PTPRG: variants seen among roughly 807,000 people sequenced by gnomAD.
PTPRG encodes protein tyrosine phosphatase receptor type G, also known as receptor-type tyrosine-protein phosphatase gamma.
Under a neutral mutation model 165.3 loss-of-function variants are expected in PTPRG, and 102 were observed. The observed-to-expected ratio is 0.62, with a 90% CI of 0.53 to 0.73. PTPRG has a LOEUF of 0.73. Among genes scored for constraint, PTPRG ranks in the 30% least tolerant of loss-of-function variants. PTPRG has a pLI of 0.00. For synonymous variants in PTPRG, 675 were observed against 669.5 expected (o/e 1.01, Z -0.13); for missense variants, 1,866 against 1,861.4 (o/e 1.00, Z -0.05).
chr3:61,683,769 A>T (rs1703528584), intron 1 of PTPRG, among the ~76,000 whole-genome samples: 1 of 152,220 alleles, frequency 6.6e-6, no homozygotes, highest in East Asian at 1.9e-4. Context: ...GAAAGACTTG[A>T]GGCTACAGTT....
intron 2 of PTPRG, among the ~76,000 whole-genome samples, chr3:61,944,926 G>C (rs1015089638): frequency 2.6e-5 from 4 of 152,146 alleles, no homozygotes; most frequent in African/African-American, 7.2e-5. Flanking sequence ...GAGGTGTTTC[G>C]TAAGGTGCTC....
At chr3:62,144,517 A>G (rs894036750) in intron 6 of PTPRG, among the ~76,000 whole-genome samples, 5 of 152,214 alleles carry the variant, frequency 3.3e-5, no homozygotes, top group South Asian at 2.1e-4. Flanking sequence ...ACATGCAACA[A>G]AGTTTCCCGT....
chr3:61,697,680 G>C (rs1205591261), intron 1 of PTPRG, among the ~76,000 whole-genome samples: 1 of 152,146 alleles, frequency 6.6e-6, no homozygotes, highest in Non-Finnish European at 1.5e-5. Flanking sequence ...TCACTTATAA[G>C]CTATTGTCTG....
chr3:61,806,469 C>T (rs1037514987), intron 2 of PTPRG, among the ~76,000 whole-genome samples: 3 of 152,164 alleles, frequency 2.0e-5, no homozygotes, highest in African/African-American at 4.8e-5. Context: ...GGGTCTGTGG[C>T]TCATTTTAGA....
chr3:61,981,714 C>T (rs2040647948), intron 2 of PTPRG, among the ~76,000 whole-genome samples: 2 of 152,178 alleles, frequency 1.3e-5, no homozygotes, highest in Admixed American at 6.6e-5. Flanking sequence ...CCAGGTATTA[C>T]AGGACGTGCT....
chr3:61,712,677 G>T (rs910491284), intron 1 of PTPRG, among the ~76,000 whole-genome samples: 1 of 152,150 alleles, frequency 6.6e-6, no homozygotes, highest in Admixed American at 6.6e-5. Context: ...CCCCAGCCGT[G>T]CGGTACTGAG....
chr3:61,889,245 A>C (rs2038138088), intron 2 of PTPRG, among the ~76,000 whole-genome samples: 3 of 152,142 alleles, frequency 2.0e-5, no homozygotes, highest in Admixed American at 2.0e-4. Context: ...CTTTGTTGTC[A>C]TTCTACTGGA....
At chr3:62,052,781 G>A (rs185245094) in intron 4 of PTPRG, among the ~76,000 whole-genome samples, 1 of 152,106 alleles carries the variant, frequency 6.6e-6, no homozygotes, top group Admixed American at 6.5e-5. Flanking sequence ...TCATTTCCTT[G>A]TTACTTGACT....
chr3:61,629,837 G>A (rs550226731), intron 1 of PTPRG, among the ~76,000 whole-genome samples: 1 of 152,174 alleles, frequency 6.6e-6, no homozygotes, highest in African/African-American at 2.4e-5. Flanking sequence ...GTGTTAACTG[G>A]CATTGTTTAA....
At chr3:61,834,450 G>T (rs1440761839) in intron 2 of PTPRG, among the ~76,000 whole-genome samples, 1 of 152,126 alleles carries the variant, frequency 6.6e-6, no homozygotes, top group Non-Finnish European at 1.5e-5. Flanking sequence ...AGTCCTAGCT[G>T]CTCAGGAGGC....
At chr3:61,732,388 T>C (rs145173129) in intron 1 of PTPRG, among the ~76,000 whole-genome samples, 6,425 of 152,086 alleles carry the variant, frequency 0.042, 186 homozygotes, top group Non-Finnish European at 0.059. Context: ...CCATCCTGGC[T>C]AACACGGTGA....
Position 62,114,847 on chromosome 3 carries a change from C to T in PTPRG, c.616-17755C>T, listed in dbSNP as rs574459982. ...GTAGAGACAGGGTTCACTATGTTGT[C>T]CAGGTTGGTCTTGAACTCCTGGCCT... On this transcript the variant is annotated intron_variant, in intron 5 of 29. Transcript: ENST00000474889. Among the ~76,000 whole-genome samples, 385 of 152,204 alleles carry T rather than the reference C, an allele frequency of 2.5e-3. 1 individual carries two copies. The highest frequency in any genetic ancestry group is 8.9e-3 in the African/African-American group (371 of 41,514).
At chr3:61,888,929 C>T (rs2038130846) in intron 2 of PTPRG, among the ~76,000 whole-genome samples, 1 of 152,084 alleles carries the variant, frequency 6.6e-6, no homozygotes, top group African/African-American at 2.4e-5. Flanking sequence ...TTAGGTTTCC[C>T]TGATACTTCT....
In PTPRG at chr3:62,054,926, C is replaced by T. The variant is rs181399213; in HGVS notation, c.520-23237C>T. On this transcript the variant is annotated intron_variant, in intron 4 of 29. Coordinates refer to ENST00000474889, the MANE Select transcript of PTPRG (RefSeq NM_002841.4). ...TGGGAGCAAAAAGTAGACACCACTT[C>T]CATGTTTCCATGGGGAAATGGGTCA... 4.6e-5 allele frequency among the ~76,000 whole-genome samples: 7 copies of T among 152,260 alleles called. No homozygotes were observed. The East Asian group carries it at 1.4e-3, about 29-fold the overall frequency.
chr3:62,111,899 T>C (rs1702680235), intron 5 of PTPRG, among the ~76,000 whole-genome samples: 1 of 152,192 alleles, frequency 6.6e-6, no homozygotes, highest in Non-Finnish European at 1.5e-5. Context: ...TCTACGTGTA[T>C]GTATGTATGA....
chr3:62,092,248 C>T (rs1221712106), intron 5 of PTPRG, among the ~76,000 whole-genome samples: 13 of 151,334 alleles, frequency 8.6e-5, no homozygotes, highest in Admixed American at 5.9e-4. Flanking sequence ...ATGACCAGCC[C>T]GGCCAACATG....
intron 6 of PTPRG, among the ~76,000 whole-genome samples, chr3:62,145,195 C>A (rs1040701257): frequency 2.6e-5 from 4 of 152,080 alleles, no homozygotes; most frequent in Non-Finnish European, 5.9e-5. Flanking sequence ...AGTCGTACAA[C>A]CTGAACAAAC....
At chr3:61,619,027 C>T (rs58325144) in intron 1 of PTPRG, among the ~76,000 whole-genome samples, 4,521 of 148,788 alleles carry the variant, frequency 0.03, 235 homozygotes, top group African/African-American at 0.11. Flanking sequence ...TGTGTTGGTG[C>T]GCATCTGTGG....
intron 2 of PTPRG, among the ~76,000 whole-genome samples, chr3:61,790,600 A>G (rs1044993834): frequency 3.3e-5 from 5 of 152,170 alleles, no homozygotes; most frequent in Admixed American, 1.3e-4. Context: ...TACTTTCCCT[A>G]TGTATACACA....
Sources: allele counts gnomAD v4.1 joint callset (sites outside exome capture counted in the v4.1 genomes callset), GRCh38; gene constraint gnomAD v4.1.1; transcripts MANE v1.5; gene names NCBI Gene and HGNC (gene_info 2026-07-23, HGNC 2026-07-21).